Variants in PTPRD observed in about 807,000 individuals in gnomAD.
The protein encoded by PTPRD is protein tyrosine phosphatase receptor type D, also known as receptor-type tyrosine-protein phosphatase delta.
In PTPRD, 34 loss-of-function variants were observed where a neutral mutation model predicts 214.5. That is an observed-to-expected ratio of 0.16 (90% CI 0.12 to 0.21). PTPRD has a LOEUF of 0.21. Among genes scored for constraint, PTPRD ranks in the 10% least tolerant of loss-of-function variants. PTPRD has a pLI of 1.00. For missense variants in PTPRD, 2,545 were observed against 2,398.7 expected (o/e 1.06, Z -1.27); for synonymous variants, 1,128 against 845.7 (o/e 1.33, Z -5.79).
intron 3 of PTPRD, among the ~76,000 whole-genome samples, chr9:10,183,952 TGAG>T (rs1422870764): frequency 3.3e-5 from 5 of 152,204 alleles, no homozygotes; most frequent in Non-Finnish European, 7.4e-5. Flanking sequence ...ACAATAATGT[TGAG>T]AATCTTCAAG....
intron 11 of PTPRD, among the ~76,000 whole-genome samples, chr9:8,971,617 A>G (rs2099238906): frequency 6.6e-6 from 1 of 151,722 alleles, no homozygotes; most frequent in South Asian, 2.1e-4. Flanking sequence ...CTAGTGGCAA[A>G]CTATTGAAGT....
At chr9:9,821,672 TATTATTAA>T (rs2050779705) in intron 5 of PTPRD, among the ~76,000 whole-genome samples, 1 of 152,038 alleles carries the variant, frequency 6.6e-6, no homozygotes, top group Admixed American at 6.6e-5. Context: ...CATTTGTATC[TATTATTAA>T]ATGTAGCATT....
intron 14 of PTPRD, among the ~76,000 whole-genome samples, chr9:8,572,576 A>C (rs2091440499): frequency 6.6e-6 from 1 of 152,084 alleles, no homozygotes. Flanking sequence ...AAGCTAAAAA[A>C]AGGAAGAAAT....
chr9:8,867,029 C>T (rs1194101498), intron 11 of PTPRD, among the ~76,000 whole-genome samples: 1 of 152,044 alleles, frequency 6.6e-6, no homozygotes, highest in African/African-American at 2.4e-5. Context: ...TATTGAAAGG[C>T]CTCTTTATTT....
chr9:9,556,695 C>A (rs2081599253), intron 8 of PTPRD, among the ~76,000 whole-genome samples: 3 of 152,126 alleles, frequency 2.0e-5, no homozygotes, highest in African/African-American at 7.2e-5. Context: ...AGAGCTAACA[C>A]AACCCAAATC....
At chr9:10,266,820 T>C (rs12164236) in intron 3 of PTPRD, among the ~76,000 whole-genome samples, 8,690 of 152,176 alleles carry the variant, frequency 0.057, 520 homozygotes, top group East Asian at 0.14. Context: ...GTAAAGCCCA[T>C]TAAGAACATT....
At chr9:10,037,728 C>G (rs565321512) in intron 3 of PTPRD, among the ~76,000 whole-genome samples, 1 of 152,142 alleles carries the variant, frequency 6.6e-6, no homozygotes, top group South Asian at 2.1e-4. Flanking sequence ...GAAAAGATGT[C>G]ATTTATCTTA....
chr9:10,355,568 T>C (rs1435534528), intron 2 of PTPRD, among the ~76,000 whole-genome samples: 3 of 150,286 alleles, frequency 2.0e-5, no homozygotes, highest in Non-Finnish European at 4.4e-5. Flanking sequence ...AACCTCCGCC[T>C]CCTGGGTTCA....
chr9:9,867,033 A>C (rs1475400561), intron 5 of PTPRD, among the ~76,000 whole-genome samples: 3 of 152,100 alleles, frequency 2.0e-5, no homozygotes, highest in African/African-American at 7.2e-5. Context: ...CTTAGACTGG[A>C]AGTTTTCTCT....
chr9:10,492,295 C>T (rs1267512136), intron 2 of PTPRD, among the ~76,000 whole-genome samples: 1 of 152,082 alleles, frequency 6.6e-6, no homozygotes, highest in East Asian at 1.9e-4. Context: ...ACACAGTCTT[C>T]CACAATGGTT....
At chr9:9,304,779 A>G (rs1352317980) in intron 9 of PTPRD, among the ~76,000 whole-genome samples, 3 of 151,442 alleles carry the variant, frequency 2.0e-5, no homozygotes, top group Non-Finnish European at 4.4e-5. Flanking sequence ...AATGGAAAGG[A>G]AAAAGAGCTG....
intron 3 of PTPRD, among the ~76,000 whole-genome samples, chr9:10,117,123 T>C (rs1235810711): frequency 6.6e-6 from 1 of 152,142 alleles, no homozygotes; most frequent in Non-Finnish European, 1.5e-5. Flanking sequence ...TCCTGTTTTG[T>C]TCACAACAGT....
chr9:10,431,625 G>A (rs545727118), intron 2 of PTPRD, among the ~76,000 whole-genome samples: 4,518 of 152,052 alleles, frequency 0.03, 233 homozygotes, highest in African/African-American at 0.1. Flanking sequence ...AGTGGGCGAA[G>A]GACATGAACA....
At chr9:10,408,462 T>G (rs552264111) in intron 2 of PTPRD, among the ~76,000 whole-genome samples, 1 of 151,678 alleles carries the variant, frequency 6.6e-6, no homozygotes, top group Non-Finnish European at 1.5e-5. Flanking sequence ...GGAATCTCAG[T>G]AACTTTCAAT....
intron 5 of PTPRD, among the ~76,000 whole-genome samples, chr9:9,916,562 T>C (rs2153836983): frequency 6.6e-6 from 1 of 152,058 alleles, no homozygotes; most frequent in East Asian, 1.9e-4. Context: ...TATATACATA[T>C]ATGTTGCCTA....
chr9:8,631,586 C>T (rs2096253211), intron 14 of PTPRD, among the ~76,000 whole-genome samples: 1 of 151,786 alleles, frequency 6.6e-6, no homozygotes, highest in South Asian at 2.1e-4. Flanking sequence ...TTATGTTAAA[C>T]TATTTGGTCC....
chr9:9,741,438 G>T (rs1427984891), intron 6 of PTPRD, among the ~76,000 whole-genome samples: 1 of 96,060 alleles, frequency 1.0e-5, no homozygotes, highest in Non-Finnish European at 2.0e-5. Context: ...ATCCAGAAAC[G>T]TTTGAGTTGG....
chr9:8,954,536 A>G (rs867846852), intron 11 of PTPRD, among the ~76,000 whole-genome samples: 1 of 47,284 alleles, frequency 2.1e-5, no homozygotes, highest in Non-Finnish European at 7.5e-5. Flanking sequence ...GTAAACATGG[A>G]AAAAAAAAGG....
At chr9:8,822,196 T>C (rs2097082996) in intron 11 of PTPRD, among the ~76,000 whole-genome samples, 3 of 152,212 alleles carry the variant, frequency 2.0e-5, no homozygotes, top group Admixed American at 1.3e-4. Context: ...CTGTACCAAG[T>C]TGAGTCACTG....
Sources: gnomAD v4.1 joint callset for allele counts (sites outside exome capture counted in the v4.1 genomes callset) on GRCh38, gnomAD v4.1.1 for gene constraint, MANE v1.5 for transcripts, NCBI Gene and HGNC (gene_info 2026-07-23, HGNC 2026-07-21) for gene names.